Variants in SLC6A19 observed in about 807,000 individuals in gnomAD.
SLC6A19 encodes solute carrier family 6 member 19.
Under a neutral mutation model 68.3 loss-of-function variants are expected in SLC6A19, and 67 were observed. The observed-to-expected ratio is 0.98, with a 90% CI of 0.81 to 1.20. The LOEUF is 1.20. Ranked by LOEUF, SLC6A19 falls within the 50% of genes most tolerant of loss-of-function variation. SLC6A19 has a pLI of 0.00. For missense variants in SLC6A19, 813 were observed against 851.6 expected (o/e 0.95, Z 0.56); for synonymous variants, 392 against 374.9 (o/e 1.05, Z -0.53).
Position 1,209,391 on chromosome 5 carries a change from C to T in SLC6A19, c.343+505C>T, listed in dbSNP as rs185874800. ...CAGAATATGGGCAGACGGTGAAAGA[C>T]GGAGGAGGAAAGGGCAGGGTCCACT... On this transcript the variant is annotated intron_variant, in intron 2 of 11. Transcript: ENST00000304460. This position sits in a 1 kb window ranked among gnomAD's most constrained non-coding sequence, Gnocchi z 5.5. 5.3e-5 allele frequency among the ~76,000 whole-genome samples: 8 copies of T among 152,240 alleles called. No individual in the cohort carries two copies. The highest frequency in any genetic ancestry group is 4.2e-4 in the South Asian group (2 of 4,816).
chr5:1,207,160 G>A (rs533603059), intron 1 of SLC6A19, among the ~76,000 whole-genome samples: 8 of 152,208 alleles, frequency 5.3e-5, no homozygotes, highest in East Asian at 1.9e-4. Context: ...CCTGACCCTC[G>A]TCCTTCTCCA....
At chr5:1,206,286 CTCTCTGTTTCTGTCTGTGTGTGTG>C (rs1398623811) in intron 1 of SLC6A19, among the ~76,000 whole-genome samples, 3 of 139,684 alleles carry the variant, frequency 2.1e-5, no homozygotes, top group African/African-American at 1.0e-4. Context: ...TCCTCTGTCT[CTCTCTGTTTCTGTCTGTGTGTGTG>C]TCTCTCTGTC....
At position 1,201,655 on chromosome 5, in the gene SLC6A19, T is replaced by G; in HGVS notation, c.5T>G (p.Val2Gly). The G allele has an allele frequency of 6.2e-7, 1 of 1,606,038 alleles. No individual in the cohort carries two copies. The highest frequency in any genetic ancestry group is 1.3e-5 in the African/African-American group (1 of 74,974). MVRLVLPNPGLD... is the reference protein window; with the variant it reads MGRLVLPNPGLD... ...CGGAGCCGTCCAGCGACCACCATGG[T>G]GAGGCTCGTGCTGCCCAACCCCGGC... The change falls in exon 1 of 12, where the codon GTG becomes GGG. Residue 2 changes from valine (V) to glycine (G), a missense_variant. Val to Gly is a moderately radical substitution (Grantham distance 109). Coordinates refer to ENST00000304460, the MANE Select transcript of SLC6A19 (RefSeq NM_001003841.3).
rs1746512928 is a variant in SLC6A19 at position 1,225,080 on chromosome 5, T to C, written c.*3176T>C. 1 of 176,634 alleles carries C rather than the reference T, an allele frequency of 5.7e-6. No individual in the cohort carries two copies. The highest frequency in any genetic ancestry group is 5.6e-5 in the Admixed American group (1 of 18,010). 10.9% of individuals were successfully genotyped at this position (176,634 alleles called of 1,614,324 possible). ...AATCTATAAGTATCTCAAGATCAAA[T>C]GGTTAAATAAAACATAAGAAATTTA... On this transcript the variant is annotated 3_prime_UTR_variant, in exon 12 of 12. Transcript: ENST00000304460.
At position 1,222,256 on chromosome 5, in the gene SLC6A19, G is replaced by A. The variant is rs1171294721; in HGVS notation, c.*352G>A. On this transcript the variant is annotated 3_prime_UTR_variant, in exon 12 of 12. Coordinates refer to ENST00000304460, the MANE Select transcript of SLC6A19 (RefSeq NM_001003841.3). ...AGTGTGCATGCATATACATGTGTGCGATATTTGCTGCCCGTGTGTGTGCAT... is the reference window on the plus strand; with the variant it reads ...AGTGTGCATGCATATACATGTGTGCAATATTTGCTGCCCGTGTGTGTGCAT... 5 of 562,688 alleles carry A rather than the reference G, an allele frequency of 8.9e-6. No homozygotes were observed. Among genetic ancestry groups the A allele is most frequent in the East Asian group, 5.7e-5 (2 of 35,314 alleles). The allele number at this position is 562,688 out of a possible 1,614,324, so 34.9% of individuals were successfully genotyped here. A position where few individuals can be genotyped will look rare whatever the true frequency, so the allele number is the denominator to read the frequency against.
In SLC6A19 at chr5:1,213,480, C is replaced by T; in HGVS notation, c.681C>T (p.Ser227=). Reference sequence around the variant, plus strand: ...CTCCGCAGGCCGTGTACATCACCTCCACGCTGCCCTATGTCGTCCTGACCA... The same window carrying T: ...CTCCGCAGGCCGTGTACATCACCTCTACGCTGCCCTATGTCGTCCTGACCA... ...ETTGKAVYIT[S]TLPYVVLTIF... is the part of the protein sequence containing the mutation. Residue 227 remains serine (S), a synonymous_variant, in exon 5 of 12, where the codon TCC becomes TCT. Transcript: ENST00000304460. 6.2e-7 allele frequency: 1 copy of T among 1,606,224 alleles called. No individual in the cohort carries two copies. Among genetic ancestry groups the T allele is most frequent in the Non-Finnish European group, 8.5e-7 (1 of 1,178,184 alleles).
At position 1,212,364 on chromosome 5, in the gene SLC6A19, C is replaced by T. The variant is rs752701535; in HGVS notation, c.543C>T (p.Leu181=). 1.9e-6 allele frequency: 3 copies of T among 1,613,604 alleles called. No homozygotes were observed. The highest frequency in any genetic ancestry group is 1.7e-5 in the Admixed American group (1 of 60,020). ...ACTACTTCTGGTACCGAGAGACGCT[C>T]AACATCTCCACGTCCATCAGCGACT... ...PVDYFWYRET[L]NISTSISDSG... Residue 181 remains leucine, a synonymous_variant, in exon 4 of 12, where the codon CTC becomes CTT. Coordinates refer to ENST00000304460, the MANE Select transcript of SLC6A19 (RefSeq NM_001003841.3). The surrounding 1 kb of genome is among the most constrained non-coding windows in gnomAD (Gnocchi z 5.1).
chr5:1,202,642 C>G (rs765545598), intron 1 of SLC6A19, among the ~76,000 whole-genome samples: 1 of 151,956 alleles, frequency 6.6e-6, no homozygotes, highest in Non-Finnish European at 1.5e-5. Flanking sequence ...TCCAGGAGGG[C>G]CGGGCACCCT....
rs182366884 is a variant in SLC6A19 at position 1,212,984 on chromosome 5, G to A, written c.664-479G>A. On this transcript the variant is annotated intron_variant, in intron 4 of 11. Transcript: ENST00000304460. The surrounding 1 kb of genome is among the most constrained non-coding windows in gnomAD (Gnocchi z 5.1). ...CCCACCACAAGCACGGCCCCCCTCCGCACCATCCCAAATACCCAGGCTCCC... is the reference window on the plus strand; with the variant it reads ...CCCACCACAAGCACGGCCCCCCTCCACACCATCCCAAATACCCAGGCTCCC... Among the ~76,000 whole-genome samples the A allele has an allele frequency of 2.1e-3, 72 of 34,650 alleles. 1 individual carries two copies. The East Asian group carries it at 0.031, about 15-fold the overall frequency. The allele number at this position is 34,650 out of a possible 152,430, so 22.7% of individuals were successfully genotyped here. A position where few individuals can be genotyped will look rare whatever the true frequency, so the allele number is the denominator to read the frequency against.
Position 1,221,820 on chromosome 5 carries a change from G to A in SLC6A19, c.1821G>A (p.Arg607=). 3 of 1,614,180 alleles carry A rather than the reference G, an allele frequency of 1.9e-6. No homozygotes were observed. Among genetic ancestry groups the A allele is most frequent in the Non-Finnish European group, 2.5e-6 (3 of 1,180,046 alleles). Residue 607 remains arginine (R), a synonymous_variant, in exon 12 of 12, where the codon AGG becomes AGA. Transcript: ENST00000304460. The part of the protein sequence containing the change: ...IPGYAIYKLI[R]NHCQKPGDHQ... Reference sequence around the variant, plus strand: ...GCTATGCCATCTACAAGCTCATCAGGAACCACTGCCAGAAGCCAGGGGACC... The same window carrying A: ...GCTATGCCATCTACAAGCTCATCAGAAACCACTGCCAGAAGCCAGGGGACC...
chr5:1,209,666 C>T lies in SLC6A19; in HGVS notation c.344-778C>T, dbSNP rs1043735576. On this transcript the variant is annotated intron_variant, in intron 2 of 11. Coordinates refer to ENST00000304460, the MANE Select transcript of SLC6A19 (RefSeq NM_001003841.3). This position sits in a 1 kb window ranked among gnomAD's most constrained non-coding sequence, Gnocchi z 5.5. ...CTCTCTTTCCCCTCCTATTCTCTCC[C>T]TTCCCCCCTCTCTCTCATCCTCCTC... Among the ~76,000 whole-genome samples, 30 of 150,350 alleles carry T rather than the reference C, an allele frequency of 2.0e-4. No homozygotes were observed. The highest frequency in any genetic ancestry group is 7.1e-4 in the African/African-American group (29 of 40,818).
intron 10 of SLC6A19, among the ~76,000 whole-genome samples, chr5:1,220,567 G>A (rs1004913337): frequency 1.3e-5 from 2 of 152,290 alleles, no homozygotes; most frequent in East Asian, 3.9e-4. Context: ...TGAGGTGCAT[G>A]CATAACCACC....
intron 10 of SLC6A19, 148 bp from the exon 11 acceptor site, chr5:1,221,003 A>G: frequency 3.1e-6 from 3 of 966,214 alleles, no homozygotes. Flanking sequence ...GGAGGCACCC[A>G]TGACCAGGAG....
rs376080842 is a variant in SLC6A19, at chr5:1,212,463, C to A, written c.642C>A (p.Arg214=). 2 of 1,608,600 alleles carry A rather than the reference C, an allele frequency of 1.2e-6. No individual in the cohort carries two copies. Among genetic ancestry groups the A allele is most frequent in the African/African-American group, 1.3e-5 (1 of 74,836 alleles). ...AWSVLYMCTI[R]GIETTGKAVY... is the part of the protein sequence containing the mutation. ...GCGTCCTGTACATGTGCACCATCCG[C>A]GGCATCGAGACCACCGGGAAGGTAC... The change falls in exon 4 of 12, where the codon CGC becomes CGA. Residue 214 remains arginine, a synonymous_variant. Transcript: ENST00000304460. The surrounding 1 kb of genome is among the most constrained non-coding windows in gnomAD (Gnocchi z 5.1).
intron 5 of SLC6A19, 103 bp from the exon 6 acceptor site, chr5:1,213,849 AC>A: frequency 6.4e-7 from 1 of 1,572,938 alleles, no homozygotes; most frequent in South Asian, 1.1e-5. Context: ...TGTCCTGACC[AC>A]CCCAATAGCC....
rs2126509362 is a variant in SLC6A19, at chr5:1,216,697, G to A, written c.1016+11G>A. Reference sequence around the variant, plus strand: ...CGACTGCTTCAGCACGTGAGTGGCTGTCCCACCATCCTGGTGCCTTGGGCT... The same window carrying A: ...CGACTGCTTCAGCACGTGAGTGGCTATCCCACCATCCTGGTGCCTTGGGCT... On this transcript the variant is annotated intron_variant, in intron 7 of 11. Coordinates refer to ENST00000304460, the MANE Select transcript of SLC6A19 (RefSeq NM_001003841.3). 1 of 1,613,724 alleles carries A rather than the reference G, an allele frequency of 6.2e-7. No homozygotes were observed.
In SLC6A19 at chr5:1,222,280, A is replaced by C. The variant is rs1746409859; in HGVS notation, c.*376A>C. On this transcript the variant is annotated 3_prime_UTR_variant, in exon 12 of 12. Transcript: ENST00000304460. ...CGATATTTGCTGCCCGTGTGTGTGC[A>C]TGTATATATAGACATACATGCCTAT... The C allele has an allele frequency of 1.8e-6, 1 of 561,908 alleles. No individual in the cohort carries two copies. The highest frequency in any genetic ancestry group is 4.6e-4 in the Middle Eastern group (1 of 2,172). 34.8% of individuals were successfully genotyped at this position (561,908 alleles called of 1,614,324 possible).
chr5:1,216,130 G>C (rs1450612391), intron 6 of SLC6A19, among the ~76,000 whole-genome samples: 1 of 152,196 alleles, frequency 6.6e-6, no homozygotes, highest in African/African-American at 2.4e-5. Context: ...GAAATGGTGA[G>C]GTCTCAGCTG....
rs1225508301 is a variant in SLC6A19 at position 1,208,817 on chromosome 5, A to G, written c.274A>G (p.Ile92Val). The G allele has an allele frequency of 1.2e-6, 2 of 1,613,122 alleles. No homozygotes were observed. Among genetic ancestry groups the G allele is most frequent in the Admixed American group, 1.7e-5 (1 of 60,006 alleles). The change falls in exon 2 of 12, where the codon ATC (isoleucine) becomes GTC (valine). Residue 92 changes from isoleucine to valine, a missense_variant. Ile to Val is a conservative substitution (Grantham distance 29). Transcript: ENST00000304460. ...CCCCCTGCTGTACCTGGAGTTCGCC[A>G]TCGGGCAGCGGCTGCGGCGGGGCAG... ...GIPLLYLEFA[I>V]GQRLRRGSLG...
Sources: gnomAD v4.1 joint callset for allele counts (sites outside exome capture counted in the v4.1 genomes callset) on GRCh38, gnomAD v4.1.1 for gene constraint, Gnocchi (gnomAD v3.1) non-coding constraint, MANE v1.5 for transcripts, NCBI Gene and HGNC (gene_info 2026-07-23, HGNC 2026-07-21) for gene names.